The following PAPSS1 variants were observed in gnomAD, a reference collection of about 807,000 sequenced individuals.
The protein encoded by PAPSS1 is bifunctional 3'-phosphoadenosine 5'-phosphosulfate synthase 1.
PAPSS1 carries 50 observed loss-of-function variants against 72.0 expected under a neutral mutation model. That is an observed-to-expected ratio of 0.69 (90% confidence interval 0.55 to 0.88). PAPSS1 has a LOEUF of 0.88. Ranked by LOEUF, PAPSS1 falls within the 40% of genes least tolerant of loss-of-function variation. The pLI is 0.00. For synonymous variants in PAPSS1, 261 were observed against 263.6 expected (o/e 0.99, Z 0.09); for missense variants, 657 against 782.2 (o/e 0.84, Z 1.91).
At chr4:107,695,352 C>A (rs1265747746) in intron 2 of PAPSS1, among the ~76,000 whole-genome samples, 1 of 152,254 alleles carries the variant, frequency 6.6e-6, no homozygotes, top group African/African-American at 2.4e-5. Flanking sequence ...TATCCTGAGA[C>A]TTTGCTGAAA....
intron 9 of PAPSS1, among the ~76,000 whole-genome samples, chr4:107,646,617 C>T (rs1377321114): frequency 6.9e-6 from 1 of 144,536 alleles, no homozygotes; most frequent in Non-Finnish European, 1.5e-5. Flanking sequence ...GATGAAGGCT[C>T]ATCTGACAGA....
At chr4:107,668,435 TAC>T (rs1222831390) in intron 5 of PAPSS1, among the ~76,000 whole-genome samples, 1 of 152,174 alleles carries the variant, frequency 6.6e-6, no homozygotes, top group East Asian at 1.9e-4. Context: ...ATGGAAAGGA[TAC>T]AAAGCATTGA....
chr4:107,687,693 T>C (rs1722822598), intron 3 of PAPSS1, among the ~76,000 whole-genome samples: 1 of 152,174 alleles, frequency 6.6e-6, no homozygotes, highest in Non-Finnish European at 1.5e-5. Flanking sequence ...GTAACCACCC[T>C]TGCAGCTCCC....
chr4:107,709,155 A>T (rs143526685), intron 1 of PAPSS1, among the ~76,000 whole-genome samples: 2 of 152,226 alleles, frequency 1.3e-5, no homozygotes, highest in Non-Finnish European at 2.9e-5. Flanking sequence ...TAATTCAGCT[A>T]AAGTTTTTAA....
chr4:107,622,018 G>A lies in PAPSS1; in HGVS notation c.1737-7631C>T, dbSNP rs115817247. ...CAAGGGCACTTGTATGGGGAGACCT[G>A]GACTGCTCTACATATGCATTAGGGA... On this transcript the variant is annotated intron_variant, in intron 11 of 11. Coordinates refer to ENST00000265174, the MANE Select transcript of PAPSS1 (RefSeq NM_005443.5). 1.9e-3 allele frequency among the ~76,000 whole-genome samples: 288 copies of A among 152,122 alleles called. 1 individual carries two copies. Among genetic ancestry groups the A allele is most frequent in the African/African-American group, 6.5e-3 (271 of 41,500 alleles).
chr4:107,654,034 A>T (rs1396714498), intron 8 of PAPSS1, among the ~76,000 whole-genome samples: 2 of 152,094 alleles, frequency 1.3e-5, no homozygotes, highest in South Asian at 2.1e-4. Flanking sequence ...CAATCTCCAC[A>T]CCACCTCAAA....
chr4:107,624,207 C>T (rs931988521), intron 11 of PAPSS1, among the ~76,000 whole-genome samples: 13 of 152,194 alleles, frequency 8.5e-5, no homozygotes, highest in Admixed American at 7.9e-4. Context: ...TTATTCCCTT[C>T]TTCATCAAAG....
intron 9 of PAPSS1, among the ~76,000 whole-genome samples, chr4:107,650,634 G>A (rs1363893807): frequency 6.6e-6 from 1 of 152,122 alleles, no homozygotes; most frequent in Non-Finnish European, 1.5e-5. Flanking sequence ...TAAACTACCA[G>A]ATGTTTCTGG....
rs10670438 is a variant in PAPSS1 at position 107,621,608 on chromosome 4, C to CTTTTTTTTTTTTT, written c.1737-7234_1737-7222dup. On this transcript the variant is annotated intron_variant, in intron 11 of 11. Transcript: ENST00000265174. ...CTTTCTAGGAAGACAGGTTTTTTAT[C>CTTTTTTTTTTTTT]TTTTTTTTTTTTTTTTTTTTTTTTT... Among the ~76,000 whole-genome samples the CTTTTTTTTTTTTT allele has an allele frequency of 8.3e-3, 400 of 48,152 alleles. 89 individuals are homozygous for CTTTTTTTTTTTTT. Among genetic ancestry groups the CTTTTTTTTTTTTT allele is most frequent in the Middle Eastern group, 0.024 (1 of 42 alleles). 31.6% of individuals were successfully genotyped at this position (48,152 alleles called of 152,430 possible).
intron 2 of PAPSS1, among the ~76,000 whole-genome samples, chr4:107,695,167 T>A (rs576406091): frequency 6.6e-6 from 1 of 152,336 alleles, no homozygotes; most frequent in East Asian, 1.9e-4. Flanking sequence ...TATTATTTCC[T>A]TCAGCAGTGG....
intron 10 of PAPSS1, 95 bp downstream of exon 10, chr4:107,644,707 A>T: frequency 1.6e-6 from 2 of 1,223,906 alleles, no homozygotes; most frequent in Non-Finnish European, 2.3e-6. Context: ...GAACAGGCCT[A>T]CAGAGCACAG....
intron 1 of PAPSS1, 102 bp from the exon 2 acceptor site, chr4:107,701,387 G>A: frequency 1.4e-6 from 1 of 713,622 alleles, no homozygotes; most frequent in Non-Finnish European, 2.3e-6. Flanking sequence ...CATGCCAAAA[G>A]CAAAGAAAAA....
At chr4:107,716,108 C>T (rs1723633351) in intron 1 of PAPSS1, among the ~76,000 whole-genome samples, 1 of 152,174 alleles carries the variant, frequency 6.6e-6, no homozygotes, top group Non-Finnish European at 1.5e-5. Flanking sequence ...TGCCCCTTAT[C>T]CCCAATTCTG....
At chr4:107,714,259 C>T (rs1057229440) in intron 1 of PAPSS1, among the ~76,000 whole-genome samples, 4 of 152,088 alleles carry the variant, frequency 2.6e-5, no homozygotes, top group Admixed American at 6.6e-5. Flanking sequence ...TTCCATCCAC[C>T]GACCCCCACC....
chr4:107,670,699 T>A (rs1018468383), intron 5 of PAPSS1, among the ~76,000 whole-genome samples: 1 of 152,044 alleles, frequency 6.6e-6, no homozygotes, highest in African/African-American at 2.4e-5. Context: ...CTGACTACTT[T>A]TTAAAAAAAA....
chr4:107,664,200 G>A (rs929758727), intron 5 of PAPSS1, among the ~76,000 whole-genome samples: 3 of 152,144 alleles, frequency 2.0e-5, no homozygotes, highest in Non-Finnish European at 4.4e-5. Context: ...TCAATGGTAA[G>A]AAAAACTCTA....
chr4:107,665,793 A>C (rs958368037), intron 5 of PAPSS1, among the ~76,000 whole-genome samples: 20 of 152,160 alleles, frequency 1.3e-4, no homozygotes, highest in Non-Finnish European at 2.9e-5. Flanking sequence ...CATCTAACAT[A>C]TGTTGTATCC....
chr4:107,622,444 C>CAT (rs766802939), intron 11 of PAPSS1, among the ~76,000 whole-genome samples: 13 of 152,192 alleles, frequency 8.5e-5, no homozygotes, highest in Non-Finnish European at 1.6e-4. Context: ...TTCCTAGTAT[C>CAT]AACCACTAAG....
At chr4:107,672,462 G>T (rs983703997) in intron 5 of PAPSS1, among the ~76,000 whole-genome samples, 1 of 152,108 alleles carries the variant, frequency 6.6e-6, no homozygotes, top group Non-Finnish European at 1.5e-5. Flanking sequence ...ACGGAGCCTC[G>T]CTCATTGCTA....
Sources: allele counts gnomAD v4.1 joint callset (sites outside exome capture counted in the v4.1 genomes callset), GRCh38; gene constraint gnomAD v4.1.1; transcripts MANE v1.5; gene names NCBI Gene and HGNC (gene_info 2026-07-23, HGNC 2026-07-21).